Variants in SLC9A2 observed in about 807,000 individuals in gnomAD.
The protein encoded by SLC9A2 is solute carrier family 9 member A2, also known as sodium/hydrogen exchanger 2.
In SLC9A2, 42 loss-of-function variants were observed where a neutral mutation model predicts 71.7. The observed-to-expected ratio is 0.59, with a 90% CI of 0.46 to 0.76. The LOEUF (loss-of-function observed/expected upper bound fraction) is 0.76. Among genes scored for constraint, SLC9A2 ranks in the 30% least tolerant of loss-of-function variants. The pLI is 0.00. For synonymous variants in SLC9A2, 396 were observed against 392.5 expected (o/e 1.01, Z -0.10); for missense variants, 829 against 1,017.4 (o/e 0.81, Z 2.52).
At chr2:102,700,949 T>A in intron 7 of SLC9A2, 121 bp from the exon 8 acceptor site, 1 of 654,736 alleles carries the variant, frequency 1.5e-6, no homozygotes. Flanking sequence ...ATGACCAGAT[T>A]AGCTAAATGC....
chr2:102,667,949 T>A (rs1334510810), intron 3 of SLC9A2, among the ~76,000 whole-genome samples: 1 of 151,756 alleles, frequency 6.6e-6, no homozygotes, highest in Non-Finnish European at 1.5e-5. Flanking sequence ...GTGGTGCATG[T>A]CTGTAATCCC....
chr2:102,661,422 GATCTTAATTTTGA>G (rs1677047587), intron 2 of SLC9A2, among the ~76,000 whole-genome samples: 1 of 152,224 alleles, frequency 6.6e-6, no homozygotes, highest in Middle Eastern at 3.4e-3. Context: ...TGACCACTTG[GATCTTAATTTTGA>G]TTTTGCAAAC....
At chr2:102,674,261 CCCTT>C (rs1441386696) in intron 3 of SLC9A2, among the ~76,000 whole-genome samples, 8 of 152,102 alleles carry the variant, frequency 5.3e-5, no homozygotes, top group Non-Finnish European at 1.0e-4. Context: ...TCAAGCTTGG[CCCTT>C]CCTTGACATG....
chr2:102,620,919 C>A (rs1356688140), intron 1 of SLC9A2, among the ~76,000 whole-genome samples: 1 of 151,988 alleles, frequency 6.6e-6, no homozygotes, highest in Non-Finnish European at 1.5e-5. Context: ...GCCTGTAATC[C>A]CAGCACTTTG....
chr2:102,619,968 G>A lies in SLC9A2; in HGVS notation c.120G>A (p.Pro40=). ...GALAETLLNA[P]RAMGTSSSPP... is the part of the protein sequence containing the mutation. ...TGGCGGAGACCTTGCTGAACGCGCC[G>A]AGGGCCATGGGCACCAGTTCCAGCC... Residue 40 remains proline (P), a synonymous_variant, in exon 1 of 12, where the codon CCG becomes CCA. Transcript: ENST00000233969. This position sits in a 1 kb window ranked among gnomAD's most constrained non-coding sequence, Gnocchi z 4.3. 1 of 1,613,106 alleles carries A rather than the reference G, an allele frequency of 6.2e-7. No homozygotes were observed. The highest frequency in any genetic ancestry group is 8.5e-7 in the Non-Finnish European group (1 of 1,179,550).
intron 1 of SLC9A2, among the ~76,000 whole-genome samples, chr2:102,655,298 C>T (rs1238266058): frequency 6.7e-6 from 1 of 149,228 alleles, no homozygotes; most frequent in Non-Finnish European, 1.5e-5. Context: ...GGATTACAGG[C>T]ACCCGCCACC....
intron 1 of SLC9A2, among the ~76,000 whole-genome samples, chr2:102,651,835 C>A (rs1163205375): frequency 6.6e-6 from 1 of 152,140 alleles, no homozygotes; most frequent in Non-Finnish European, 1.5e-5. Flanking sequence ...TTATGGCTTC[C>A]CCTTTTTCTC....
At chr2:102,649,744 G>T (rs993587730) in intron 1 of SLC9A2, among the ~76,000 whole-genome samples, 1 of 152,176 alleles carries the variant, frequency 6.6e-6, no homozygotes, top group African/African-American at 2.4e-5. Context: ...AGTCATTAGA[G>T]AAATGCAAAT....
intron 3 of SLC9A2, among the ~76,000 whole-genome samples, chr2:102,668,062 A>C (rs1018229539): frequency 3.3e-5 from 5 of 152,142 alleles, no homozygotes; most frequent in Non-Finnish European, 7.3e-5. Context: ...CAACAGATTG[A>C]GACTCGGTCT....
At chr2:102,694,614 G>A (rs941096258) in intron 6 of SLC9A2, 111 bp downstream of exon 6, 3 of 491,776 alleles carry the variant, frequency 6.1e-6, no homozygotes. Context: ...GAATGGCAGG[G>A]TGAGAGGGAG....
At chr2:102,655,046 T>A (rs1676910857) in intron 1 of SLC9A2, among the ~76,000 whole-genome samples, 1 of 152,190 alleles carries the variant, frequency 6.6e-6, no homozygotes. Context: ...GAATGTGAAG[T>A]CCTAGACATT....
intron 2 of SLC9A2, among the ~76,000 whole-genome samples, chr2:102,662,425 C>A (rs761550091): frequency 1.4e-4 from 21 of 152,106 alleles, no homozygotes; most frequent in Non-Finnish European, 2.5e-4. Context: ...CAGCTCTGTG[C>A]TAAAGGAATT....
chr2:102,623,771 C>T (rs1454213544), intron 1 of SLC9A2, among the ~76,000 whole-genome samples: 1 of 152,088 alleles, frequency 6.6e-6, no homozygotes, highest in Non-Finnish European at 1.5e-5. Context: ...ACCTTACCTG[C>T]CTCAGAGAAC....
intron 1 of SLC9A2, among the ~76,000 whole-genome samples, chr2:102,628,175 AC>A (rs1676286173): frequency 6.6e-6 from 1 of 152,216 alleles, no homozygotes; most frequent in African/African-American, 2.4e-5. Context: ...CATCTTTAAT[AC>A]AAATAATAAT....
At chr2:102,632,130 ATATATATG>A (rs1676381253) in intron 1 of SLC9A2, among the ~76,000 whole-genome samples, 1 of 95,556 alleles carries the variant, frequency 1.0e-5, no homozygotes, top group Non-Finnish European at 2.1e-5. Flanking sequence ...ACATATATAC[ATATATATG>A]TATATATACA....
chr2:102,658,021 A>G lies in SLC9A2; in HGVS notation c.747A>G (p.Val249=). The G allele has an allele frequency of 6.3e-7, 1 of 1,599,960 alleles. No homozygotes were observed. The highest frequency in any genetic ancestry group is 1.3e-5 in the African/African-American group (1 of 74,938). ...VFGESLLNDA[V]TVVLYNLFKS... is the part of the protein sequence containing the mutation. ...GAGAGTCCCTGCTGAATGATGCAGT[A>G]ACAGTGGTGAGTCACATTCACACTG... The change falls in exon 2 of 12, where the codon GTA becomes GTG. Residue 249 remains valine, a synonymous_variant. Transcript: ENST00000233969.
At chr2:102,699,088 G>GA (rs1677821591) in intron 7 of SLC9A2, among the ~76,000 whole-genome samples, 1 of 152,138 alleles carries the variant, frequency 6.6e-6, no homozygotes, top group Non-Finnish European at 1.5e-5. Context: ...CTACTATGGG[G>GA]AAAAATACAT....
At chr2:102,671,922 A>G (rs1197834545) in intron 3 of SLC9A2, among the ~76,000 whole-genome samples, 1 of 152,128 alleles carries the variant, frequency 6.6e-6, no homozygotes, top group Admixed American at 6.5e-5. Flanking sequence ...CCTGGAAAAC[A>G]TGGCGAAATC....
intron 1 of SLC9A2, among the ~76,000 whole-genome samples, chr2:102,653,234 C>T (rs1676869505): frequency 6.6e-6 from 1 of 152,202 alleles, no homozygotes; most frequent in African/African-American, 2.4e-5. Context: ...TCAGTAACTG[C>T]TGTCCTACTT....
Sources: gnomAD v4.1 joint callset for allele counts (sites outside exome capture counted in the v4.1 genomes callset) on GRCh38, gnomAD v4.1.1 for gene constraint, Gnocchi (gnomAD v3.1) non-coding constraint, MANE v1.5 for transcripts, NCBI Gene and HGNC (gene_info 2026-07-23, HGNC 2026-07-21) for gene names.